The following LRP1B variants were observed in gnomAD, a reference collection of about 807,000 sequenced individuals.
The protein encoded by LRP1B is LDL receptor related protein 1B, also known as low-density lipoprotein receptor-related protein 1B.
A neutral mutation model predicts 556.6 loss-of-function variants in LRP1B; 217 were observed. That is an observed-to-expected ratio of 0.39 (90% CI 0.35 to 0.44). The LOEUF (loss-of-function observed/expected upper bound fraction) is 0.44, where lower values mean the gene tolerates loss of function less well. Among genes scored for constraint, LRP1B ranks in the 20% least tolerant of loss-of-function variants. The pLI is 1.00. For synonymous variants in LRP1B, 2,047 were observed against 1,865.8 expected (o/e 1.10, Z -2.50); for missense variants, 5,053 against 5,620.8 (o/e 0.90, Z 3.23).
At chr2:141,892,582 T>C (rs1699323076) in intron 1 of LRP1B, among the ~76,000 whole-genome samples, 2 of 152,140 alleles carry the variant, frequency 1.3e-5, no homozygotes, top group Admixed American at 1.3e-4. Flanking sequence ...ATATTTCCTA[T>C]ATATTTATAC....
At chr2:141,341,374 C>T (rs764666762) in intron 3 of LRP1B, among the ~76,000 whole-genome samples, 16 of 152,058 alleles carry the variant, frequency 1.1e-4, no homozygotes, top group Admixed American at 3.9e-4. Context: ...GAAAATTTTA[C>T]GCATACACAC....
intron 3 of LRP1B, among the ~76,000 whole-genome samples, chr2:141,454,673 A>G (rs1681562308): frequency 1.2e-5 from 1 of 82,338 alleles, no homozygotes; most frequent in African/African-American, 5.8e-5. Context: ...AGTTGACATC[A>G]TTCTCCTTCC....
chr2:141,937,940 A>G (rs1049376562), intron 1 of LRP1B, among the ~76,000 whole-genome samples: 1 of 152,160 alleles, frequency 6.6e-6, no homozygotes, highest in Admixed American at 6.5e-5. Flanking sequence ...ACAATTTATT[A>G]GAGATTATCT....
chr2:140,621,524 G>A (rs962826909), intron 41 of LRP1B, among the ~76,000 whole-genome samples: 10 of 151,880 alleles, frequency 6.6e-5, no homozygotes, highest in African/African-American at 2.4e-4. Flanking sequence ...GGTGTTAGAT[G>A]CCTACCATCT....
chr2:141,742,413 C>T (rs1460449581), intron 2 of LRP1B, among the ~76,000 whole-genome samples: 4 of 151,606 alleles, frequency 2.6e-5, no homozygotes, highest in Admixed American at 6.6e-5. Context: ...CACCATGCCC[C>T]GCTAATTTTT....
intron 51 of LRP1B, among the ~76,000 whole-genome samples, chr2:140,511,575 A>G (rs1185447997): frequency 6.6e-6 from 1 of 152,130 alleles, no homozygotes; most frequent in African/African-American, 2.4e-5. Context: ...TGCTGGGGTT[A>G]CAGGCGTGAG....
chr2:142,026,588 G>A (rs906504597), intron 1 of LRP1B, among the ~76,000 whole-genome samples: 1 of 151,966 alleles, frequency 6.6e-6, no homozygotes, highest in Non-Finnish European at 1.5e-5. Context: ...TTTACTGAAA[G>A]GCTAACTTAA....
intron 2 of LRP1B, among the ~76,000 whole-genome samples, chr2:141,634,634 G>A (rs1205536917): frequency 1.3e-5 from 2 of 151,854 alleles, no homozygotes; most frequent in Admixed American, 6.6e-5. Flanking sequence ...TATAAATATT[G>A]TAAAGCATAT....
chr2:140,725,591 G>A (rs538316999), intron 35 of LRP1B, among the ~76,000 whole-genome samples: 48 of 150,926 alleles, frequency 3.2e-4, no homozygotes, highest in African/African-American at 1.0e-3. Flanking sequence ...TGTAAATGAC[G>A]AGTTAATGGG....
intron 83 of LRP1B, among the ~76,000 whole-genome samples, chr2:140,301,468 A>C (rs1323283714): frequency 6.6e-6 from 1 of 152,124 alleles, no homozygotes; most frequent in Non-Finnish European, 1.5e-5. Context: ...TAATTTTGGT[A>C]CATCCTTGAG....
intron 83 of LRP1B, among the ~76,000 whole-genome samples, chr2:140,313,289 T>C (rs1304542025): frequency 6.6e-6 from 1 of 151,932 alleles, no homozygotes; most frequent in African/African-American, 2.4e-5. Flanking sequence ...ATATTTTTCT[T>C]GAACATTTTA....
chr2:140,402,051 C>A (rs368310955), intron 66 of LRP1B, among the ~76,000 whole-genome samples: 8 of 152,222 alleles, frequency 5.3e-5, no homozygotes, highest in South Asian at 2.1e-4. Flanking sequence ...GGATCCCCTG[C>A]AGACATTCCC....
chr2:140,349,707 C>A (rs2105113091), intron 77 of LRP1B, among the ~76,000 whole-genome samples: 1 of 152,076 alleles, frequency 6.6e-6, no homozygotes, highest in Admixed American at 6.6e-5. Flanking sequence ...TGCCATGTTA[C>A]CGTAGAAGCA....
chr2:141,116,564 G>C (rs983946528), intron 7 of LRP1B, among the ~76,000 whole-genome samples: 3 of 151,958 alleles, frequency 2.0e-5, no homozygotes, highest in Non-Finnish European at 2.9e-5. Flanking sequence ...TAGTAGGCTC[G>C]CCATCCCCAT....
At chr2:141,148,353 T>A (rs938178690) in intron 7 of LRP1B, among the ~76,000 whole-genome samples, 6 of 152,074 alleles carry the variant, frequency 3.9e-5, no homozygotes, top group Admixed American at 3.9e-4. Context: ...GCTGTGTAGA[T>A]AGGCAATAAT....
chr2:141,625,004 G>A (rs375905265), intron 2 of LRP1B, among the ~76,000 whole-genome samples: 5 of 151,900 alleles, frequency 3.3e-5, no homozygotes, highest in South Asian at 2.1e-4. Flanking sequence ...TCCTGACCTC[G>A]TGATCCGCCC....
intron 32 of LRP1B, among the ~76,000 whole-genome samples, chr2:140,806,797 A>G (rs1573744296): frequency 1.3e-5 from 2 of 152,214 alleles, no homozygotes; most frequent in East Asian, 1.9e-4. Context: ...TACAAAATAC[A>G]GATAAGCTAT....
chr2:141,246,723 G>A (rs184222205), intron 5 of LRP1B, among the ~76,000 whole-genome samples: 1 of 152,276 alleles, frequency 6.6e-6, no homozygotes, highest in Non-Finnish European at 1.5e-5. Context: ...CCAGCACTTT[G>A]GGAGGCCTTG....
intron 25 of LRP1B, among the ~76,000 whole-genome samples, chr2:140,875,300 T>C (rs1396764187): frequency 4.6e-5 from 7 of 152,180 alleles, no homozygotes; most frequent in Non-Finnish European, 8.8e-5. Flanking sequence ...AAGACCAGTA[T>C]ATGGGCCCTT....
Sources: allele counts gnomAD v4.1 joint callset (sites outside exome capture counted in the v4.1 genomes callset), GRCh38; gene constraint gnomAD v4.1.1; transcripts MANE v1.5; gene names NCBI Gene and HGNC (gene_info 2026-07-23, HGNC 2026-07-21).